XPO5: variants seen among roughly 807,000 people sequenced by gnomAD.
XPO5 encodes the protein exportin 5, also known as exportin-5.
A neutral mutation model predicts 160.6 loss-of-function variants in XPO5; 46 were observed. The observed-to-expected ratio is 0.29, with a 90% CI of 0.23 to 0.37. The LOEUF (loss-of-function observed/expected upper bound fraction) is 0.37, where lower values mean the gene tolerates loss of function less well. XPO5 is among the 10% of genes least tolerant of loss of function. The probability of loss-of-function intolerance (pLI) is 1.00; values close to 1 mark genes in which losing one functional copy is unlikely to be tolerated. For missense variants in XPO5, 1,090 were observed against 1,463.9 expected (o/e 0.74, Z 4.17); for synonymous variants, 537 against 519.3 (o/e 1.03, Z -0.46).
intron 28 of XPO5, chr6:43,525,460 C>A: frequency 1.9e-6 from 1 of 518,386 alleles, no homozygotes; most frequent in Non-Finnish European, 3.4e-6. Flanking sequence ...TTTTAAATAG[C>A]TAAGCAGGAA....
intron 16 of XPO5, 108 bp from the exon 17 acceptor site, chr6:43,549,686 C>A: frequency 7.3e-7 from 1 of 1,361,202 alleles, no homozygotes; most frequent in Non-Finnish European, 1.0e-6. Context: ...AATGATTTTT[C>A]ACAACCCTAA....
Position 43,567,258 on chromosome 6 carries a change from T to G in XPO5, c.745A>C (p.Lys249Gln), listed in dbSNP as rs920314146. 21 of 1,613,966 alleles carry G rather than the reference T, an allele frequency of 1.3e-5. No homozygotes were observed. The highest frequency in any genetic ancestry group is 1.8e-5 in the Non-Finnish European group (21 of 1,179,872). Residue 249 changes from lysine (K) to glutamine (Q), a missense_variant, in exon 7 of 32, where the codon AAA becomes CAA. Physicochemically the swap from Lys to Gln is moderately conservative, Grantham distance 53 (BLOSUM62 1). Coordinates refer to ENST00000265351, the MANE Select transcript of XPO5 (RefSeq NM_020750.3). ...SMSHITAENC[K>Q]LLEILCLLLN... The stretch of plus-strand genomic sequence containing the variant: ...AGCAAACACAGTATCTCCAGGAGTT[T>G]ACAGTTTTCAGCAGTGATGTGACTC...
intron 2 of XPO5, among the ~76,000 whole-genome samples, chr6:43,572,962 A>G (rs1490571020): frequency 6.6e-6 from 1 of 152,236 alleles, no homozygotes; most frequent in Non-Finnish European, 1.5e-5. Context: ...TTACAAAACA[A>G]TTCTGGAAAA....
chr6:43,560,536 CTT>C (rs1025106204), intron 10 of XPO5, among the ~76,000 whole-genome samples: 2 of 152,120 alleles, frequency 1.3e-5, no homozygotes, highest in Admixed American at 1.3e-4. Flanking sequence ...ACTACTTTCT[CTT>C]CTTTGCAAAA....
intron 7 of XPO5, 100 bp downstream of exon 7, chr6:43,567,069 A>AT (rs1327185094): frequency 7.4e-7 from 1 of 1,349,042 alleles, no homozygotes. Context: ...AAGGAAAAAA[A>AT]CCCAAACCTT....
Position 43,544,026 on chromosome 6 carries a change from T to C in XPO5, c.2342+2545A>G, listed in dbSNP as rs143602623. On this transcript the variant is annotated intron_variant, in intron 20 of 31. Coordinates refer to ENST00000265351, the MANE Select transcript of XPO5 (RefSeq NM_020750.3). ...ACTCTTAATAGCTCCAGCTACACACTATTCAAGCAATCTACTCTATCATTA... is the reference window on the plus strand; with the variant it reads ...ACTCTTAATAGCTCCAGCTACACACCATTCAAGCAATCTACTCTATCATTA... 2.5e-3 allele frequency: 385 copies of C among 152,632 alleles called. 1 individual carries two copies. Among genetic ancestry groups the C allele is most frequent in the Non-Finnish European group, 3.0e-3 (206 of 68,032 alleles). 9.5% of individuals were successfully genotyped at this position (152,632 alleles called of 1,614,324 possible).
In XPO5 at chr6:43,524,461, C is replaced by T; in HGVS notation, c.3477+10G>A. ...GGGGTTGGGAGCACTATTGAAGGTG[C>T]ATGACCTACCCCAATGCAACCAGCA... On this transcript the variant is annotated intron_variant, in intron 31 of 31. Coordinates refer to ENST00000265351, the MANE Select transcript of XPO5 (RefSeq NM_020750.3). The T allele has an allele frequency of 6.2e-7, 1 of 1,612,242 alleles. No individual in the cohort carries two copies. The highest frequency in any genetic ancestry group is 8.5e-7 in the Non-Finnish European group (1 of 1,179,452).
At chr6:43,525,491 C>G (rs903786579) in intron 28 of XPO5, 1 of 502,540 alleles carries the variant, frequency 2.0e-6, no homozygotes, top group Non-Finnish European at 3.5e-6. Flanking sequence ...AGTTTACTTC[C>G]TCTATTTTTG....
chr6:43,567,435 T>A, intron 6 of XPO5, 81 bp from the exon 7 acceptor site: 1 of 1,273,320 alleles, frequency 7.9e-7, no homozygotes, highest in East Asian at 2.5e-5. Flanking sequence ...AACTCCCATT[T>A]TCTAATTCTA....
At chr6:43,563,705 G>C (rs1286758081) in intron 8 of XPO5, among the ~76,000 whole-genome samples, 3 of 152,128 alleles carry the variant, frequency 2.0e-5, no homozygotes, top group Admixed American at 6.5e-5. Flanking sequence ...TAACACAATG[G>C]TAAGTATTTG....
rs775348178 is a variant in XPO5, at chr6:43,522,651, G to C, written c.*1217C>G. On this transcript the variant is annotated 3_prime_UTR_variant, in exon 32 of 32. Transcript: ENST00000265351. ...CTTTGCTTCTTCTCAATCTGACCCTGCCTGTGGCCCGCACCAGCTAAAAAC... is the reference window on the plus strand; with the variant it reads ...CTTTGCTTCTTCTCAATCTGACCCTCCCTGTGGCCCGCACCAGCTAAAAAC... 1 of 447,818 alleles carries C rather than the reference G, an allele frequency of 2.2e-6. No individual in the cohort carries two copies. Among genetic ancestry groups the C allele is most frequent in the Non-Finnish European group, 4.8e-6 (1 of 206,622 alleles). The allele number at this position is 447,818 out of a possible 1,614,324, so 27.7% of individuals were successfully genotyped here. A position where few individuals can be genotyped will look rare whatever the true frequency, so the allele number is the denominator to read the frequency against.
rs1582211595 is a variant in XPO5 at position 43,539,039 on chromosome 6, C to T, written c.2343-5032G>A. On this transcript the variant is annotated intron_variant, in intron 20 of 31. Transcript: ENST00000265351. ...AGTGCAGCCCTGGGCTGAGGTGTAGCAGTCATCGATACCAGCCATCATGAG... is the reference window on the plus strand; with the variant it reads ...AGTGCAGCCCTGGGCTGAGGTGTAGTAGTCATCGATACCAGCCATCATGAG... 7.1e-6 allele frequency: 11 copies of T among 1,545,450 alleles called. No homozygotes were observed. The South Asian group carries it at 1.1e-4, about 16-fold the overall frequency.
At chr6:43,567,807 G>A (rs1018588453) in intron 6 of XPO5, among the ~76,000 whole-genome samples, 2 of 151,910 alleles carry the variant, frequency 1.3e-5, no homozygotes, top group Admixed American at 1.3e-4. Context: ...GCATGATGGT[G>A]TGCATCTATA....
At chr6:43,547,481 A>T in intron 19 of XPO5, 127 bp downstream of exon 19, 1 of 789,398 alleles carries the variant, frequency 1.3e-6, no homozygotes, top group Non-Finnish European at 2.2e-6. Context: ...GGAGAAGCTT[A>T]GGGAAGTGGA....
chr6:43,530,561 C>T, intron 23 of XPO5, 127 bp downstream of exon 23: 4 of 1,136,574 alleles, frequency 3.5e-6, no homozygotes, highest in Non-Finnish European at 4.9e-6. Flanking sequence ...TGACATGATA[C>T]ACTTAGATAC....
chr6:43,565,848 GGGT>G, intron 7 of XPO5, 112 bp from the exon 8 acceptor site: 1 of 776,516 alleles, frequency 1.3e-6, no homozygotes, highest in Non-Finnish European at 2.0e-6. Context: ...ATATACCCCA[GGGT>G]TTAGTGAAAC....
chr6:43,528,354 T>TA (rs1430193060), intron 24 of XPO5, 149 bp from the exon 25 acceptor site: 37 of 730,542 alleles, frequency 5.1e-5, no homozygotes, highest in South Asian at 1.7e-4. Context: ...ACCACAAGGT[T>TA]AAAAAAAACA....
chr6:43,571,885 G>A lies in XPO5; in HGVS notation c.300+621C>T, dbSNP rs1016256251. On this transcript the variant is annotated intron_variant, in intron 3 of 31. Coordinates refer to ENST00000265351, the MANE Select transcript of XPO5 (RefSeq NM_020750.3). Reference sequence around the variant, plus strand: ...AAATTCTGCATGTTTTTCATCATTAGTATCACATAGTAGTTGTTTGGAATA... The same window carrying A: ...AAATTCTGCATGTTTTTCATCATTAATATCACATAGTAGTTGTTTGGAATA... Among the ~76,000 whole-genome samples the A allele has an allele frequency of 4.6e-5, 7 of 151,696 alleles. No individual in the cohort carries two copies. In the East Asian group the frequency reaches 1.2e-3, roughly 25 times the overall value.
chr6:43,530,906 T>C lies in XPO5; in HGVS notation c.2541-82A>G, dbSNP rs1457492432. On this transcript the variant is annotated intron_variant, in intron 22 of 31. Coordinates refer to ENST00000265351, the MANE Select transcript of XPO5 (RefSeq NM_020750.3). ...AGCCCTGTCCCATGAATTTCATTTC[T>C]AGCCTACAATAAGGTTTTTCAGCCA... is the stretch of plus-strand genomic sequence containing the variant. 4.0e-6 allele frequency: 6 copies of C among 1,483,808 alleles called. No homozygotes were observed. In the Admixed American group the frequency reaches 7.5e-5, roughly 19 times the overall value. 91.9% of individuals were successfully genotyped at this position (1,483,808 alleles called of 1,614,324 possible).
Sources: allele counts gnomAD v4.1 joint callset (sites outside exome capture counted in the v4.1 genomes callset), GRCh38; gene constraint gnomAD v4.1.1; transcripts MANE v1.5; gene names NCBI Gene and HGNC (gene_info 2026-07-23, HGNC 2026-07-21).